BDNF: variants seen among roughly 807,000 people sequenced by gnomAD.
BDNF encodes brain derived neurotrophic factor.
Under a neutral mutation model 19.5 loss-of-function variants are expected in BDNF, and 1 was observed. The observed-to-expected ratio is 0.05, with a 90% CI of 0.02 to 0.24. The LOEUF (loss-of-function observed/expected upper bound fraction) is 0.24, where lower values mean the gene tolerates loss of function less well. Among genes scored for constraint, BDNF ranks in the 10% least tolerant of loss-of-function variants. The probability of loss-of-function intolerance (pLI) is 1.00; values close to 1 mark genes in which losing one functional copy is unlikely to be tolerated. For missense variants in BDNF, 195 were observed against 317.6 expected (o/e 0.61, Z 2.93); for synonymous variants, 100 against 121.6 (o/e 0.82, Z 1.17).
intron 1 of BDNF, among the ~76,000 whole-genome samples, chr11:27,718,543 C>G (rs1182317073): frequency 7.0e-6 from 1 of 142,246 alleles, no homozygotes; most frequent in Non-Finnish European, 1.5e-5. Flanking sequence ...CCCCCAAGCT[C>G]AGCCCCTCCC....
chr11:27,671,539 A>G (rs991251815), intron 1 of BDNF, among the ~76,000 whole-genome samples: 1 of 152,152 alleles, frequency 6.6e-6, no homozygotes, highest in Admixed American at 6.6e-5. Flanking sequence ...CATGCAACCT[A>G]AAGTCTCAAA....
At chr11:27,672,998 T>C (rs1398726121) in intron 1 of BDNF, among the ~76,000 whole-genome samples, 1 of 152,134 alleles carries the variant, frequency 6.6e-6, no homozygotes, top group East Asian at 1.9e-4. Flanking sequence ...GGAACCCTAA[T>C]AGTGCTGCTG....
At chr11:27,701,425 G>A, upstream of BDNF, 1 of 1,040,294 alleles carries the variant, frequency 9.6e-7, no homozygotes, top group South Asian at 3.5e-5. Flanking sequence ...GAGGGGGCGC[G>A]AGTCTTTGGT....
At chr11:27,670,643 A>C (rs1438498837) in intron 1 of BDNF, among the ~76,000 whole-genome samples, 3 of 152,200 alleles carry the variant, frequency 2.0e-5, no homozygotes, top group Admixed American at 6.5e-5. Flanking sequence ...ATGTAGCCAA[A>C]AGACACATGA....
rs376546912 is a variant in BDNF, at chr11:27,658,620, G to T, written c.-21-35C>A. The T allele has an allele frequency of 1.2e-6, 2 of 1,614,086 alleles. No individual in the cohort carries two copies. Among genetic ancestry groups the T allele is most frequent in the Non-Finnish European group, 1.7e-6 (2 of 1,180,010 alleles). ...GAAAGCAGAAACAAGACAGAAAACT[G>T]GTTAGGGCTTTCTTTCACCGGGATG... On this transcript the variant is annotated intron_variant, in intron 1 of 1. Coordinates refer to ENST00000356660, the MANE Select transcript of BDNF (RefSeq NM_001709.5). The surrounding 1 kb of genome is among the most constrained non-coding windows in gnomAD (Gnocchi z 5.7).
intron 1 of BDNF, among the ~76,000 whole-genome samples, chr11:27,684,493 T>C (rs113145808): frequency 0.18 from 27,354 of 152,170 alleles, 3,144 homozygotes; most frequent in East Asian, 0.47. Context: ...TTCAAATGAA[T>C]GCTTCCAGCT....
Position 27,697,050 on chromosome 11 carries a change from G to C in BDNF, c.-22+3114C>G, listed in dbSNP as rs955280428. ...TAAATTTCCTTAAGAGTAAGTCTAC[G>C]ATTGAGACCCAAAGCTGCTGGCTGT... On this transcript the variant is annotated intron_variant, in intron 1 of 1. Transcript: ENST00000356660. Among the ~76,000 whole-genome samples the C allele has an allele frequency of 9.2e-5, 14 of 151,886 alleles. No individual in the cohort carries two copies. The South Asian group carries it at 1.0e-3, about 11-fold the overall frequency.
intron 1 of BDNF, among the ~76,000 whole-genome samples, chr11:27,683,222 T>C (rs776732710): frequency 1.3e-5 from 2 of 152,238 alleles, no homozygotes; most frequent in Non-Finnish European, 2.9e-5. Context: ...GAGAAGCATC[T>C]GTTCATACCC....
chr11:27,674,490 C>T (rs1855830723), intron 1 of BDNF: 1 of 1,399,778 alleles, frequency 7.1e-7, no homozygotes, highest in African/African-American at 1.4e-5. Flanking sequence ...AAGGCAGTTT[C>T]CAGGCCCTGT....
intron 1 of BDNF, among the ~76,000 whole-genome samples, chr11:27,681,597 TA>T (rs1279840346): frequency 6.6e-6 from 1 of 152,098 alleles, no homozygotes. Flanking sequence ...AAATCATTAA[TA>T]AACACATGAG....
chr11:27,661,388 C>T (rs1853418012), intron 1 of BDNF, among the ~76,000 whole-genome samples: 1 of 152,202 alleles, frequency 6.6e-6, no homozygotes, highest in African/African-American at 2.4e-5. Flanking sequence ...TCAAGTTTGA[C>T]AATATATTTC....
upstream of BDNF, chr11:27,700,821 C>A: frequency 1.6e-6 from 2 of 1,227,236 alleles, no homozygotes; most frequent in Non-Finnish European, 2.1e-6. Flanking sequence ...CTGCAGAAAC[C>A]CCGGCTGTGG....
At chr11:27,721,907 C>T (rs929693357) in exon 1 of BDNF, 3 of 162,386 alleles carry the variant, frequency 1.8e-5, no homozygotes, top group Admixed American at 5.9e-5. Flanking sequence ...GCCCACTACG[C>T]AGGTCACACC....
At position 27,658,898 on chromosome 11, in the gene BDNF, A is replaced by T; in HGVS notation, c.-21-313T>A. 1 of 1,233,590 alleles carries T rather than the reference A, an allele frequency of 8.1e-7. No individual in the cohort carries two copies. The highest frequency in any genetic ancestry group is 1.0e-6 in the Non-Finnish European group (1 of 973,180). 76.4% of individuals were successfully genotyped at this position (1,233,590 alleles called of 1,614,324 possible). ...TTCTTCCCACTTTAGCAGCTTTGTA[A>T]GTTTAATTTTTAATGATCTCTGCTC... On this transcript the variant is annotated intron_variant, in intron 1 of 1. Coordinates refer to ENST00000356660, the MANE Select transcript of BDNF (RefSeq NM_001709.5). This position sits in a 1 kb window ranked among gnomAD's most constrained non-coding sequence, Gnocchi z 5.7.
At chr11:27,697,189 AGAG>A (rs1859181201) in intron 1 of BDNF, among the ~76,000 whole-genome samples, 1 of 151,442 alleles carries the variant, frequency 6.6e-6, no homozygotes, top group Non-Finnish European at 1.5e-5. Context: ...AGAGAGAGAG[AGAG>A]AGAGCACCCC....
intron 1 of BDNF, chr11:27,720,479 T>C: frequency 1.0e-6 from 1 of 985,856 alleles, no homozygotes; most frequent in Non-Finnish European, 1.2e-6. Flanking sequence ...GAAGCCAACT[T>C]CAGCGAGCTC....
At position 27,657,391 on chromosome 11, in the gene BDNF, A is replaced by G. The variant is rs756576386; in HGVS notation, c.*430T>C. 8.7e-6 allele frequency: 9 copies of G among 1,032,312 alleles called. No individual in the cohort carries two copies. Among genetic ancestry groups the G allele is most frequent in the Non-Finnish European group, 1.0e-5 (9 of 858,496 alleles). The allele number at this position is 1,032,312 out of a possible 1,614,324, so 63.9% of individuals were successfully genotyped here. A position where few individuals can be genotyped will look rare whatever the true frequency, so the allele number is the denominator to read the frequency against. On this transcript the variant is annotated 3_prime_UTR_variant, in exon 2 of 2. Transcript: ENST00000356660. This position sits in a 1 kb window ranked among gnomAD's most constrained non-coding sequence, Gnocchi z 5.0. ...GCAGTAAAACAGATATAGTACTAAC[A>G]AGAACGAAGATACTTACTGTCTAAA...
chr11:27,673,034 C>A (rs1338872986), intron 1 of BDNF, among the ~76,000 whole-genome samples: 1 of 152,078 alleles, frequency 6.6e-6, no homozygotes, highest in Non-Finnish European at 1.5e-5. Flanking sequence ...ATGGGTGGGG[C>A]TGAGATGACA....
chr11:27,664,192 T>C (rs978300419), intron 1 of BDNF, among the ~76,000 whole-genome samples: 1 of 152,202 alleles, frequency 6.6e-6, no homozygotes, highest in African/African-American at 2.4e-5. Flanking sequence ...GTTCCTAACA[T>C]ATATGATACA....
Sources: allele counts gnomAD v4.1 joint callset (sites outside exome capture counted in the v4.1 genomes callset), GRCh38; gene constraint gnomAD v4.1.1; non-coding constraint Gnocchi (gnomAD v3.1); transcripts MANE v1.5; gene names NCBI Gene and HGNC (gene_info 2026-07-23, HGNC 2026-07-21).